Variants in AGAP1 observed in about 807,000 individuals in gnomAD.
AGAP1 encodes the protein arf-GAP with GTPase, ANK repeat and PH domain-containing protein 1.
A neutral mutation model predicts 105.3 loss-of-function variants in AGAP1; 29 were observed. The ratio of observed to expected loss-of-function variants is 0.28; its 90% CI spans 0.21 to 0.38. AGAP1 has a LOEUF of 0.38. Ranked by LOEUF, AGAP1 falls within the 10% of genes least tolerant of loss-of-function variation. AGAP1 has a pLI of 1.00. For missense variants in AGAP1, 998 were observed against 1,165.1 expected (o/e 0.86, Z 2.09); for synonymous variants, 509 against 485.9 (o/e 1.05, Z -0.63).
chr2:235,764,719 G>A (rs541447402), intron 6 of AGAP1, among the ~76,000 whole-genome samples: 1 of 128,386 alleles, frequency 7.8e-6, no homozygotes, highest in Non-Finnish European at 1.7e-5. Flanking sequence ...GGGAGCGCCC[G>A]TGGGGTGGGG....
Position 235,729,211 on chromosome 2 carries a change from C to T in AGAP1, c.310+11567C>T, listed in dbSNP as rs1056119783. Among the ~76,000 whole-genome samples the T allele has an allele frequency of 3.9e-5, 6 of 152,166 alleles. 1 individual carries two copies. The highest frequency in any genetic ancestry group is 7.2e-5 in the African/African-American group (3 of 41,382). On this transcript the variant is annotated intron_variant, in intron 3 of 17. Transcript: ENST00000304032. The surrounding 1 kb of genome is among the most constrained non-coding windows in gnomAD (Gnocchi z 5.0). ...ACCCATCACCATGAAGCCCCCTGCA[C>T]TAACTAGGGCGTGTGCCCCTTGAGG...
At chr2:235,802,978 T>TGA (rs1957607065) in intron 8 of AGAP1, among the ~76,000 whole-genome samples, 6 of 144,570 alleles carry the variant, frequency 4.2e-5, no homozygotes, top group South Asian at 2.2e-4. Flanking sequence ...ATGGTTGTGG[T>TGA]TGTGATGGTT....
intron 2 of AGAP1, among the ~76,000 whole-genome samples, chr2:235,709,671 G>C (rs1411350847): frequency 6.6e-6 from 1 of 152,128 alleles, no homozygotes; most frequent in Non-Finnish European, 1.5e-5. Context: ...CCAAGCTTTG[G>C]TATCCATCAT....
chr2:235,648,415 T>TGAC (rs1947463814), intron 1 of AGAP1, among the ~76,000 whole-genome samples: 1 of 152,200 alleles, frequency 6.6e-6, no homozygotes, highest in Non-Finnish European at 1.5e-5. Flanking sequence ...AGTCTGCACA[T>TGAC]GACAGCTCTG....
intron 12 of AGAP1, among the ~76,000 whole-genome samples, chr2:235,955,105 C>T (rs1410715594): frequency 2.0e-5 from 3 of 152,136 alleles, no homozygotes; most frequent in Non-Finnish European, 2.9e-5. Context: ...TGTTCATTTC[C>T]TGTGTGAAGA....
chr2:235,532,828 G>C (rs911436498), intron 1 of AGAP1, among the ~76,000 whole-genome samples: 2 of 152,146 alleles, frequency 1.3e-5, no homozygotes, highest in South Asian at 4.2e-4. Context: ...TTCCCTCCTG[G>C]CAGCCGGTGC....
intron 9 of AGAP1, among the ~76,000 whole-genome samples, chr2:235,856,242 A>G (rs982035266): frequency 5.3e-5 from 8 of 152,190 alleles, no homozygotes; most frequent in Non-Finnish European, 1.2e-4. Flanking sequence ...ATCTCAAGTT[A>G]GCATCACTGA....
rs1354706980 is a variant in AGAP1, at chr2:235,872,688, AG to A, written c.1051-10655del. 6.6e-6 allele frequency among the ~76,000 whole-genome samples: 1 copy of A among 152,122 alleles called. No homozygotes were observed. The highest frequency in any genetic ancestry group is 2.4e-5 in the African/African-American group (1 of 41,436). On this transcript the variant is annotated intron_variant, in intron 9 of 17. Coordinates refer to ENST00000304032, the MANE Select transcript of AGAP1 (RefSeq NM_001037131.3). The surrounding 1 kb of genome is among the most constrained non-coding windows in gnomAD (Gnocchi z 4.5). The stretch of plus-strand genomic sequence containing the variant: ...AGTTCGGACTGATTGAACATAGAGG[AG>A]GCTGTCTGCGCGCTCAGCCCAGACC...
At chr2:235,697,962 T>A (rs775118783) in intron 1 of AGAP1, among the ~76,000 whole-genome samples, 5 of 152,124 alleles carry the variant, frequency 3.3e-5, no homozygotes, top group Non-Finnish European at 5.9e-5. Flanking sequence ...TAAGCTGCAG[T>A]CGAAATTATC....
chr2:236,128,028 GTCC>G lies in AGAP1; in HGVS notation c.*3910_*3912del, dbSNP rs879835912. 1.3e-5 allele frequency: 2 copies of G among 151,438 alleles called. No homozygotes were observed. Among genetic ancestry groups the G allele is most frequent in the Admixed American group, 1.3e-4 (2 of 15,178 alleles). 9.4% of individuals were successfully genotyped at this position (151,438 alleles called of 1,614,324 possible). ...AGGAAACCTGCCCGTGGCTGACACT[GTCC>G]TCCAGCCTGCATTCTGGGGAGGCTG... On this transcript the variant is annotated 3_prime_UTR_variant, in exon 18 of 18. Coordinates refer to ENST00000304032, the MANE Select transcript of AGAP1 (RefSeq NM_001037131.3). This position sits in a 1 kb window ranked among gnomAD's most constrained non-coding sequence, Gnocchi z 5.9.
At chr2:235,545,970 G>T (rs930707907) in intron 1 of AGAP1, among the ~76,000 whole-genome samples, 1 of 152,250 alleles carries the variant, frequency 6.6e-6, no homozygotes, top group Admixed American at 6.5e-5. Context: ...TCGCCCCTAG[G>T]CACCTTGGCC....
At chr2:235,878,900 G>T (rs1489448250) in intron 9 of AGAP1, among the ~76,000 whole-genome samples, 1 of 152,188 alleles carries the variant, frequency 6.6e-6, no homozygotes, top group East Asian at 1.9e-4. Context: ...CCTGCCAGAG[G>T]GATCCTGAGC....
At position 235,845,500 on chromosome 2, in the gene AGAP1, C is replaced by G. The variant is rs1961364003; in HGVS notation, c.1051-37845C>G. On this transcript the variant is annotated intron_variant, in intron 9 of 17. Transcript: ENST00000304032. The surrounding 1 kb of genome is among the most constrained non-coding windows in gnomAD (Gnocchi z 4.8). ...AACCCTGGGCTTCCTGAGGACACCC[C>G]ATTCTTAGCTGTGGGGTCACCACTA... Among the ~76,000 whole-genome samples the G allele has an allele frequency of 6.6e-6, 1 of 152,120 alleles. No individual in the cohort carries two copies. Among genetic ancestry groups the G allele is most frequent in the Non-Finnish European group, 1.5e-5 (1 of 68,024 alleles).
chr2:235,839,995 A>G (rs1960623172), intron 9 of AGAP1, among the ~76,000 whole-genome samples: 1 of 152,234 alleles, frequency 6.6e-6, no homozygotes, highest in Non-Finnish European at 1.5e-5. Flanking sequence ...AATCTGAAAT[A>G]ATTTATGAGG....
intron 9 of AGAP1, among the ~76,000 whole-genome samples, chr2:235,857,152 G>A (rs1184276988): frequency 2.0e-5 from 3 of 152,172 alleles, no homozygotes; most frequent in East Asian, 3.9e-4. Context: ...CAAGAGGTGA[G>A]CGGCGAGTGA....
intron 1 of AGAP1, among the ~76,000 whole-genome samples, chr2:235,511,396 G>A (rs1292618288): frequency 2.0e-5 from 3 of 152,114 alleles, no homozygotes; most frequent in African/African-American, 7.2e-5. Flanking sequence ...CTCAGGGAGG[G>A]GGGCAGCCAG....
At chr2:235,529,211 A>G (rs1306227761) in intron 1 of AGAP1, among the ~76,000 whole-genome samples, 1 of 152,170 alleles carries the variant, frequency 6.6e-6, no homozygotes, top group African/African-American at 2.4e-5. Context: ...TTCTGTGAAT[A>G]TGGTGGAAAG....
intron 10 of AGAP1, among the ~76,000 whole-genome samples, chr2:235,899,686 A>G (rs2050971770): frequency 6.6e-6 from 1 of 152,210 alleles, no homozygotes; most frequent in South Asian, 2.1e-4. Context: ...GCCATATTCA[A>G]ATATTAAAAT....
At chr2:235,914,459 G>A (rs2051773622) in intron 11 of AGAP1, among the ~76,000 whole-genome samples, 1 of 152,106 alleles carries the variant, frequency 6.6e-6, no homozygotes, top group African/African-American at 2.4e-5. Flanking sequence ...AATGATAAGT[G>A]CTGAAGGGCC....
Sources: allele counts gnomAD v4.1 joint callset (sites outside exome capture counted in the v4.1 genomes callset), GRCh38; gene constraint gnomAD v4.1.1; non-coding constraint Gnocchi (gnomAD v3.1); transcripts MANE v1.5; gene names NCBI Gene and HGNC (gene_info 2026-07-23, HGNC 2026-07-21).